Variants in APOBEC3F observed in about 807,000 individuals in gnomAD.
APOBEC3F encodes apolipoprotein B mRNA editing enzyme catalytic subunit 3F.
In APOBEC3F, 34 loss-of-function variants were observed where a neutral mutation model predicts 45.8. The ratio of observed to expected loss-of-function variants is 0.74; its 90% CI spans 0.57 to 0.99. The LOEUF is 0.99. Among genes scored for constraint, APOBEC3F ranks in the 50% least tolerant of loss-of-function variants. APOBEC3F has a pLI of 0.00. For synonymous variants in APOBEC3F, 192 were observed against 174.4 expected, an observed-to-expected ratio of 1.10 and a Z score of -0.80; for missense variants, 459 against 474.1, an observed-to-expected ratio of 0.97 and a Z score of 0.30.
At position 39,049,615 on chromosome 22, in the gene APOBEC3F, G is replaced by A. The variant is rs553102299; in HGVS notation, c.723+34G>A. On this transcript the variant is annotated intron_variant, in intron 5 of 6. Transcript: ENST00000308521. Reference sequence around the variant, plus strand: ...AAAGTCCTATTTACACCCCAAATAGGAGCTAAGCAGCTAGGAATGCAGAAA... The same window carrying A: ...AAAGTCCTATTTACACCCCAAATAGAAGCTAAGCAGCTAGGAATGCAGAAA... 1.3e-5 allele frequency: 21 copies of A among 1,609,158 alleles called. No individual in the cohort carries two copies. The East Asian group carries it at 4.2e-4, about 33-fold the overall frequency.
rs550388604 is a variant in APOBEC3F at position 39,045,555 on chromosome 22, C to T, written c.566+13C>T. 17 of 1,613,990 alleles carry T rather than the reference C, an allele frequency of 1.1e-5. No individual in the cohort carries two copies. In the African/African-American group the frequency reaches 1.9e-4, roughly 18 times the overall value. On this transcript the variant is annotated intron_variant, in intron 4 of 6. Transcript: ENST00000308521. ...AGGAGATTCTCAGGTGAGGGTCTCCCTCTGGCCTCATCGTCTGTCTCCTCT... is the reference window on the plus strand; with the variant it reads ...AGGAGATTCTCAGGTGAGGGTCTCCTTCTGGCCTCATCGTCTGTCTCCTCT...
rs376835075 is a variant in APOBEC3F at position 39,045,127 on chromosome 22, G to C, written c.358G>C (p.Ala120Pro). 1 of 1,613,818 alleles carries C rather than the reference G, an allele frequency of 6.2e-7. No homozygotes were observed. Among genetic ancestry groups the C allele is most frequent in the Non-Finnish European group, 8.5e-7 (1 of 1,179,958 alleles). Reference sequence around the variant, plus strand: ...CAATGTCACCCTGACCATCTCCGCCGCCCGCCTCTACTACTACTGGGAAAG... The same window carrying C: ...CAATGTCACCCTGACCATCTCCGCCCCCCGCCTCTACTACTACTGGGAAAG... ...HPNVTLTISA[A>P]RLYYYWERDY... The change falls in exon 3 of 7, where the codon GCC (alanine) becomes CCC (proline). Residue 120 changes from alanine (A) to proline (P), a missense_variant. Ala to Pro is a conservative substitution (Grantham distance 27, BLOSUM62 -1). Coordinates refer to ENST00000308521, the MANE Select transcript of APOBEC3F (RefSeq NM_145298.6).
chr22:39,048,058 G>A (rs1373999009), intron 4 of APOBEC3F, among the ~76,000 whole-genome samples: 2 of 152,168 alleles, frequency 1.3e-5, no homozygotes, highest in Non-Finnish European at 2.9e-5. Context: ...CTCCTCCTCC[G>A]TGAGCACCAT....
At chr22:39,050,381 A>C (rs2146349048) in intron 5 of APOBEC3F, among the ~76,000 whole-genome samples, 3 of 139,912 alleles carry the variant, frequency 2.1e-5, no homozygotes, top group East Asian at 2.4e-4. Flanking sequence ...TGTCCCACCC[A>C]ACCCTGCGGC....
intron 4 of APOBEC3F, 41 bp from the exon 5 acceptor site, chr22:39,049,384 A>AG (rs1430291541): frequency 2.5e-6 from 4 of 1,606,084 alleles, no homozygotes; most frequent in East Asian, 2.2e-5. Context: ...CGAGGAATCC[A>AG]GGGGGGTCTC....
intron 6 of APOBEC3F, 95 bp from the exon 7 acceptor site, chr22:39,052,482 A>C: frequency 6.4e-7 from 1 of 1,568,954 alleles, no homozygotes; most frequent in Non-Finnish European, 8.6e-7. Context: ...GTCCACTGCA[A>C]CTGGCAGTCA....
Position 39,053,924 on chromosome 22 carries a change from T to A in APOBEC3F, c.*1229T>A, listed in dbSNP as rs1171280224. The A allele has an allele frequency of 6.6e-6, 1 of 152,222 alleles. No homozygotes were observed. Among genetic ancestry groups the A allele is most frequent in the African/African-American group, 2.4e-5 (1 of 41,452 alleles). The allele number at this position is 152,222 out of a possible 1,614,324, so 9.4% of individuals were successfully genotyped here. A position where few individuals can be genotyped will look rare whatever the true frequency, so the allele number is the denominator to read the frequency against. On this transcript the variant is annotated 3_prime_UTR_variant, in exon 7 of 7. Transcript: ENST00000308521. ...GTAAGTCTTGGACTCCTTGCTATAA[T>A]CGCAGCTATTCAGCAATGGAACCTC...
chr22:39,054,158 G>A lies in APOBEC3F; in HGVS notation c.*1463G>A, dbSNP rs1413945771. ...CTCCCGAGTAGCTGGGATTACAGGC[G>A]TCCACCACCAAACCAGGCTAATTTT... is the stretch of plus-strand genomic sequence containing the variant. On this transcript the variant is annotated 3_prime_UTR_variant, in exon 7 of 7. Coordinates refer to ENST00000308521, the MANE Select transcript of APOBEC3F (RefSeq NM_145298.6). Among the ~76,000 whole-genome samples, 1 of 151,960 alleles carries A rather than the reference G, an allele frequency of 6.6e-6. No individual in the cohort carries two copies. Among genetic ancestry groups the A allele is most frequent in the Admixed American group, 6.6e-5 (1 of 15,262 alleles).
rs766912723 is a variant in APOBEC3F at position 39,052,313 on chromosome 22, G to A, written c.963G>A (p.Leu321=). 1 of 1,614,228 alleles carries A rather than the reference G, an allele frequency of 6.2e-7. No homozygotes were observed. Among genetic ancestry groups the A allele is most frequent in the South Asian group, 1.1e-5 (1 of 91,080 alleles). The change falls in exon 6 of 7, where the codon CTG becomes CTA. Residue 321 remains leucine (L), a synonymous_variant. Coordinates refer to ENST00000308521, the MANE Select transcript of APOBEC3F (RefSeq NM_145298.6). ...ATTACCAGGAGGGGCTCCGCAGCCTGAGTCAGGAAGGGGCCTCCGTGGAGA... is the reference window on the plus strand; with the variant it reads ...ATTACCAGGAGGGGCTCCGCAGCCTAAGTCAGGAAGGGGCCTCCGTGGAGA... The part of the protein sequence containing the change: ...DTDYQEGLRS[L]SQEGASVEIM...
intron 1 of APOBEC3F, 122 bp downstream of exon 1, chr22:39,041,099 G>T: frequency 6.7e-7 from 1 of 1,488,782 alleles, no homozygotes; most frequent in Non-Finnish European, 9.0e-7. Context: ...CTCCCCTCTG[G>T]CTCCCCTGCC....
intron 1 of APOBEC3F, among the ~76,000 whole-genome samples, chr22:39,042,258 G>C (rs969149292): frequency 6.6e-6 from 1 of 152,052 alleles, no homozygotes; most frequent in Non-Finnish European, 1.5e-5. Context: ...GAAGGAACTG[G>C]CTGAAAGGTT....
At chr22:39,042,888 C>A (rs1926986621) in intron 1 of APOBEC3F, 49 bp from the exon 2 acceptor site, 2 of 1,607,408 alleles carry the variant, frequency 1.2e-6, no homozygotes, top group African/African-American at 2.7e-5. Flanking sequence ...GCCCTGAGGG[C>A]TCCCGGGAGC....
At chr22:39,051,548 A>G (rs931658636) in intron 5 of APOBEC3F, among the ~76,000 whole-genome samples, 29 of 151,704 alleles carry the variant, frequency 1.9e-4, no homozygotes, top group African/African-American at 2.9e-4. Context: ...AAAAAAAAAA[A>G]AAAGAAAGAA....
At chr22:39,043,458 G>A (rs1383178128) in intron 2 of APOBEC3F, among the ~76,000 whole-genome samples, 3 of 139,744 alleles carry the variant, frequency 2.1e-5, no homozygotes, top group Non-Finnish European at 3.1e-5. Flanking sequence ...CCACCACCAC[G>A]CCCAGCTAAT....
In APOBEC3F at chr22:39,042,306, C is replaced by CTTTTTTTTTTTTT. The variant is rs1569067992; in HGVS notation, c.18-630_18-629insTTTTTTTTTTTTT. 2.3e-5 allele frequency among the ~76,000 whole-genome samples: 3 copies of CTTTTTTTTTTTTT among 132,532 alleles called. 1 individual carries two copies. The allele number at this position is 132,532 out of a possible 152,430, so 86.9% of individuals were successfully genotyped here. A position where few individuals can be genotyped will look rare whatever the true frequency, so the allele number is the denominator to read the frequency against. The stretch of plus-strand genomic sequence containing the variant: ...TTTGGGGTGAATAGTTTTATTCTCT[C>CTTTTTTTTTTTTT]TCTCTTTTTTTTTTTTTTTTTTGAG... On this transcript the variant is annotated intron_variant, in intron 1 of 6. Coordinates refer to ENST00000308521, the MANE Select transcript of APOBEC3F (RefSeq NM_145298.6).
At chr22:39,047,395 G>A (rs1927275834) in intron 4 of APOBEC3F, among the ~76,000 whole-genome samples, 1 of 152,128 alleles carries the variant, frequency 6.6e-6, no homozygotes, top group Admixed American at 6.5e-5. Context: ...GTCACTCACA[G>A]CGCAGGTGTC....
At chr22:39,044,058 G>C in intron 2 of APOBEC3F, 1 of 1,501,034 alleles carries the variant, frequency 6.7e-7, no homozygotes, top group Non-Finnish European at 8.9e-7. Flanking sequence ...AAAGATAAAT[G>C]AGCGGTGTAT....
Position 39,053,515 on chromosome 22 carries a change from T to G in APOBEC3F, c.*820T>G, listed in dbSNP as rs1927596800. The G allele has an allele frequency of 2.0e-5, 3 of 149,844 alleles. No homozygotes were observed. In the South Asian group the frequency reaches 6.3e-4, roughly 32 times the overall value. The allele number at this position is 149,844 out of a possible 1,614,324, so 9.3% of individuals were successfully genotyped here. On this transcript the variant is annotated 3_prime_UTR_variant, in exon 7 of 7. Transcript: ENST00000308521. Reference sequence around the variant, plus strand: ...CTGTAGTTGAAGCTACTTGGAAGGATGAAGTGGGAGGATTGCTTGAGCCGG... The same window carrying G: ...CTGTAGTTGAAGCTACTTGGAAGGAGGAAGTGGGAGGATTGCTTGAGCCGG...
intron 4 of APOBEC3F, among the ~76,000 whole-genome samples, chr22:39,047,061 C>T (rs558438021): frequency 6.6e-6 from 1 of 152,110 alleles, no homozygotes. Flanking sequence ...GACATAGGGA[C>T]AAGAGCTCAG....
Sources: allele counts gnomAD v4.1 joint callset (sites outside exome capture counted in the v4.1 genomes callset), GRCh38; gene constraint gnomAD v4.1.1; transcripts MANE v1.5; gene names NCBI Gene and HGNC (gene_info 2026-07-23, HGNC 2026-07-21).